RFC1: variants seen among roughly 807,000 people sequenced by gnomAD.
RFC1 encodes the protein replication factor C subunit 1, also known as A1 140 kDa subunit.
A neutral mutation model predicts 137.4 loss-of-function variants in RFC1; 37 were observed. That is an observed-to-expected ratio of 0.27 (90% confidence interval 0.21 to 0.35). RFC1 has a LOEUF of 0.35. RFC1 is among the 10% of genes least tolerant of loss of function. The pLI, the probability that RFC1 is intolerant of heterozygous loss-of-function variation, is 1.00. For synonymous variants in RFC1, 429 were observed against 455.7 expected (o/e 0.94, Z 0.75); for missense variants, 1,205 against 1,358.5 (o/e 0.89, Z 1.78).
At chr4:39,332,422 G>A (rs1740147173) in intron 4 of RFC1, among the ~76,000 whole-genome samples, 2 of 152,016 alleles carry the variant, frequency 1.3e-5, no homozygotes, top group Non-Finnish European at 2.9e-5. Flanking sequence ...TTTTTATTGA[G>A]CATTAAACTA....
chr4:39,342,496 C>T, intron 3 of RFC1, 29 bp from the exon 4 acceptor site: 3 of 1,603,324 alleles, frequency 1.9e-6, no homozygotes, highest in Non-Finnish European at 2.6e-6. Flanking sequence ...TAAAACAAAA[C>T]TTTGAAAAGA....
intron 6 of RFC1, 149 bp from the exon 7 acceptor site, chr4:39,323,566 G>A: frequency 1.4e-6 from 1 of 702,308 alleles, no homozygotes; most frequent in Non-Finnish European, 2.4e-6. Context: ...CATTAATAGT[G>A]AAGTATCACA....
chr4:39,327,437 C>A, intron 5 of RFC1, 87 bp downstream of exon 5: 1 of 676,404 alleles, frequency 1.5e-6, no homozygotes, highest in South Asian at 2.7e-5. Flanking sequence ...AAACATGTTG[C>A]CTATTTACTA....
chr4:39,302,407 G>A, intron 18 of RFC1, 31 bp from the exon 19 acceptor site: 1 of 1,571,248 alleles, frequency 6.4e-7, no homozygotes, highest in Non-Finnish European at 8.8e-7. Flanking sequence ...ACAACGTCAA[G>A]ATAGGAAAAT....
chr4:39,349,370 G>A (rs138542925), intron 2 of RFC1, among the ~76,000 whole-genome samples: 49 of 152,272 alleles, frequency 3.2e-4, no homozygotes, highest in African/African-American at 9.9e-4. Flanking sequence ...AAATAAGGTC[G>A]TAAGGGTGGG....
chr4:39,309,005 T>A lies in RFC1; in HGVS notation c.1516A>T (p.Thr506Ser), dbSNP rs767556822. 1 of 1,609,228 alleles carries A rather than the reference T, an allele frequency of 6.2e-7. No individual in the cohort carries two copies. Among genetic ancestry groups the A allele is most frequent in the Non-Finnish European group, 8.5e-7 (1 of 1,179,120 alleles). Residue 506 changes from threonine (T) to serine (S), a missense_variant, in exon 13 of 25, where the codon ACA (threonine) becomes TCA (serine). Coordinates refer to ENST00000349703, the MANE Select transcript of RFC1 (RefSeq NM_002913.5). Reference protein sequence around the residue: ...EMKKESKLERTPQKNVQGKRK... With the variant: ...EMKKESKLERSPQKNVQGKRK... ...TTTCCTTGGACATTTTTTTGGGGTG[T>A]TCTCTCCAGTTTGGACTCTTTCTTC...
Position 39,311,540 on chromosome 4 carries a change from A to G in RFC1, c.1393T>C (p.Leu465=). Reference sequence around the variant, plus strand: ...TCTTCATCAATAATTTTTGTCCCCAAGGCTGCGGCCTGTTGATTAAAAATG... The same window carrying G: ...TCTTCATCAATAATTTTTGTCCCCAGGGCTGCGGCCTGTTGATTAAAAATG... ...GQSKSDKAAA[L]GTKIIDEDGL... The change falls in exon 12 of 25, where the codon TTG becomes CTG. Residue 465 remains leucine, a synonymous_variant. Transcript: ENST00000349703. 2 of 1,613,832 alleles carry G rather than the reference A, an allele frequency of 1.2e-6. No homozygotes were observed. Among genetic ancestry groups the G allele is most frequent in the South Asian group, 1.1e-5 (1 of 91,064 alleles).
intron 1 of RFC1, among the ~76,000 whole-genome samples, chr4:39,358,400 C>T (rs761182732): frequency 1.3e-5 from 2 of 152,108 alleles, no homozygotes; most frequent in East Asian, 1.9e-4. Flanking sequence ...TGCAACAGTG[C>T]GAGAGATGTT....
chr4:39,360,518 T>TTAAAATAAAATAAAA (rs59665003), intron 1 of RFC1, among the ~76,000 whole-genome samples: 97 of 146,362 alleles, frequency 6.6e-4, no homozygotes, highest in African/African-American at 2.3e-3. Flanking sequence ...CAAAATAAAA[T>TTAAAATAAAATAAAA]TAAAATAAAA....
At chr4:39,332,283 T>C (rs1187054788) in intron 4 of RFC1, among the ~76,000 whole-genome samples, 1 of 152,156 alleles carries the variant, frequency 6.6e-6, no homozygotes, top group Non-Finnish European at 1.5e-5. Flanking sequence ...GCTTTCAGAG[T>C]CAGTGCTTTA....
chr4:39,329,224 G>A (rs944610463), intron 4 of RFC1, among the ~76,000 whole-genome samples: 4 of 147,816 alleles, frequency 2.7e-5, no homozygotes, highest in African/African-American at 7.5e-5. Context: ...ACATGAGGCC[G>A]GGCACGGTAG....
chr4:39,354,649 G>A (rs1428850573), intron 1 of RFC1, among the ~76,000 whole-genome samples: 2 of 150,708 alleles, frequency 1.3e-5, no homozygotes, highest in Non-Finnish European at 2.9e-5. Context: ...TGGGCACTGT[G>A]GTGCACACCT....
chr4:39,295,323 A>G (rs996053373), intron 22 of RFC1, among the ~76,000 whole-genome samples: 4 of 152,236 alleles, frequency 2.6e-5, no homozygotes, highest in African/African-American at 9.6e-5. Context: ...CATAATAACA[A>G]TAACAGTAAC....
intron 9 of RFC1, 103 bp from the exon 10 acceptor site, chr4:39,317,125 G>T (rs1739278331): frequency 7.4e-6 from 5 of 674,590 alleles, no homozygotes; most frequent in Non-Finnish European, 1.3e-5. Flanking sequence ...TGTCACTTCT[G>T]TGTCTGGCTG....
chr4:39,332,882 C>T (rs1038513674), intron 4 of RFC1, among the ~76,000 whole-genome samples: 1 of 152,230 alleles, frequency 6.6e-6, no homozygotes, highest in African/African-American at 2.4e-5. Context: ...CTTTGGGAGG[C>T]CAAGACGGAA....
intron 4 of RFC1, among the ~76,000 whole-genome samples, chr4:39,328,175 TC>T (rs869048665): frequency 8.5e-6 from 1 of 117,618 alleles, no homozygotes; most frequent in South Asian, 3.4e-4. Context: ...AATAACTTTT[TC>T]CCCCTATCTC....
intron 11 of RFC1, among the ~76,000 whole-genome samples, chr4:39,311,979 G>A (rs1738982040): frequency 6.6e-6 from 1 of 152,106 alleles, no homozygotes; most frequent in Admixed American, 6.5e-5. Flanking sequence ...ACTGGTCCAA[G>A]GCAACCAGAA....
chr4:39,326,835 T>A (rs1739794139), intron 5 of RFC1, among the ~76,000 whole-genome samples, 195 bp from the exon 6 acceptor site: 1 of 152,144 alleles, frequency 6.6e-6, no homozygotes, highest in Non-Finnish European at 1.5e-5. Flanking sequence ...ATAAATATCC[T>A]ATAGACAGAC....
At chr4:39,326,736 G>T in intron 5 of RFC1, 96 bp from the exon 6 acceptor site, 2 of 882,156 alleles carry the variant, frequency 2.3e-6, no homozygotes, top group Non-Finnish European at 3.6e-6. Context: ...ACACCAGTGA[G>T]AGATAAGTGT....
Sources: gnomAD v4.1 joint callset for allele counts (sites outside exome capture counted in the v4.1 genomes callset) on GRCh38, gnomAD v4.1.1 for gene constraint, MANE v1.5 for transcripts, NCBI Gene and HGNC (gene_info 2026-07-23, HGNC 2026-07-21) for gene names.